Variants in ZNF85 observed in about 807,000 individuals in gnomAD.
ZNF85 encodes zinc finger protein 85 (HPF4, HTF1).
A neutral mutation model predicts 53.9 loss-of-function variants in ZNF85; 50 were observed. That is an observed-to-expected ratio of 0.93 (90% CI 0.74 to 1.17). The LOEUF (loss-of-function observed/expected upper bound fraction) is 1.17. Among genes scored for constraint, ZNF85 ranks in the 50% most tolerant of loss-of-function variants. The probability of loss-of-function intolerance (pLI) is 0.00; values close to 1 mark genes in which losing one functional copy is unlikely to be tolerated. For synonymous variants in ZNF85, 225 were observed against 226.1 expected (o/e 1.00, Z 0.04); for missense variants, 747 against 688.5 (o/e 1.08, Z -0.95).
chr19:20,931,211 T>C (rs1046181380), intron 1 of ZNF85, among the ~76,000 whole-genome samples: 2 of 152,170 alleles, frequency 1.3e-5, no homozygotes, highest in African/African-American at 4.8e-5. Flanking sequence ...CTGACAGGGT[T>C]GTTACCTATT....
In ZNF85 at chr19:20,933,957, ATGTGTGTGTGTGTG is replaced by A. The variant is rs56195718; in HGVS notation, c.4-39_4-26del. On this transcript the variant is annotated intron_variant, in intron 1 of 3. Coordinates refer to ENST00000328178, the MANE Select transcript of ZNF85 (RefSeq NM_003429.5). ...TGCTTTTCATAACCAGTTGGTAATT[ATGTGTGTGTGTGTG>A]TGTGTGTGTGTGTGTGTGTGTGTGT... 6.4e-3 allele frequency: 7,373 copies of A among 1,155,546 alleles called. 3 individuals carry two copies. Among genetic ancestry groups the A allele is most frequent in the African/African-American group, 0.011 (652 of 60,458 alleles). 71.6% of individuals were successfully genotyped at this position (1,155,546 alleles called of 1,614,324 possible).
At chr19:20,933,228 T>C (rs1030617028) in intron 1 of ZNF85, among the ~76,000 whole-genome samples, 4 of 151,958 alleles carry the variant, frequency 2.6e-5, no homozygotes, top group Admixed American at 2.0e-4. Context: ...CCTAGTGCAG[T>C]TCATGTTAAT....
At chr19:20,948,476 T>TAAC (rs1363497209) in intron 3 of ZNF85, among the ~76,000 whole-genome samples, 1 of 145,926 alleles carries the variant, frequency 6.9e-6, no homozygotes, top group Middle Eastern at 3.2e-3. Context: ...GTTGTAAATG[T>TAAC]AACAAACTTT....
At chr19:20,944,094 AAG>A (rs1158459024) in intron 3 of ZNF85, 7 of 239,772 alleles carry the variant, frequency 2.9e-5, no homozygotes, top group African/African-American at 7.0e-5. Flanking sequence ...GAGGAAATTT[AAG>A]AGTTTTATGC....
At chr19:20,948,666 A>C in intron 3 of ZNF85, 78 bp from the exon 4 acceptor site, 2 of 1,141,482 alleles carry the variant, frequency 1.8e-6, no homozygotes, top group Non-Finnish European at 2.5e-6. Context: ...AGTTTGTTTA[A>C]TTTTATATAT....
At chr19:20,932,500 T>G (rs948331889) in intron 1 of ZNF85, among the ~76,000 whole-genome samples, 38 of 152,218 alleles carry the variant, frequency 2.5e-4, no homozygotes, top group Non-Finnish European at 8.8e-5. Context: ...ATGTTCCCTT[T>G]GTGGCTCTTG....
chr19:20,943,176 TG>T (rs1396329151), intron 3 of ZNF85: 2 of 269,270 alleles, frequency 7.4e-6, no homozygotes, highest in African/African-American at 4.4e-5. Flanking sequence ...TGAAAAGTTT[TG>T]TACATGTCTG....
rs56393308 is a variant in ZNF85 at position 20,949,044 on chromosome 19, C to G, written c.530C>G (p.Thr177Arg). ...ACTAAAAAGAAACCTTTCAAATGTA[C>G]AAAATGTGGCAAATCATTTGGCATG... is the stretch of plus-strand genomic sequence containing the variant. ...RHTKKKPFKC[T>R]KCGKSFGMIS... The change falls in exon 4 of 4, where the codon ACA (threonine) becomes AGA (arginine). Residue 177 changes from threonine (T) to arginine (R), a missense_variant. By Grantham distance (71) the Thr-to-Arg change is moderately conservative (BLOSUM62 -1). Coordinates refer to ENST00000328178, the MANE Select transcript of ZNF85 (RefSeq NM_003429.5). 0.12 allele frequency: 193,420 copies of G among 1,611,414 alleles called. 12,108 individuals are homozygous for G. The highest frequency in any genetic ancestry group is 0.13 in the Non-Finnish European group (150,857 of 1,178,196).
chr19:20,931,925 A>G (rs1012206788), intron 1 of ZNF85, among the ~76,000 whole-genome samples: 1 of 152,088 alleles, frequency 6.6e-6, no homozygotes, highest in Non-Finnish European at 1.5e-5. Flanking sequence ...TATTTTCATT[A>G]TTGTAGCAGA....
intron 3 of ZNF85, among the ~76,000 whole-genome samples, chr19:20,947,695 A>G (rs1973456651): frequency 6.6e-6 from 1 of 151,388 alleles, no homozygotes; most frequent in Admixed American, 6.6e-5. Context: ...TGTGTTTGTT[A>G]TAAATATCTT....
intron 1 of ZNF85, 127 bp downstream of exon 1, chr19:20,923,530 C>T: frequency 6.7e-7 from 1 of 1,498,384 alleles, no homozygotes; most frequent in South Asian, 1.2e-5. Flanking sequence ...TCTTTTTGCC[C>T]AGCTCGGCCC....
At chr19:20,937,141 C>T (rs1237796702) in intron 3 of ZNF85, 7 of 299,006 alleles carry the variant, frequency 2.3e-5, no homozygotes, top group Non-Finnish European at 4.7e-5. Context: ...CAAGTATTCC[C>T]CTGCCTCAGC....
intron 1 of ZNF85, among the ~76,000 whole-genome samples, chr19:20,924,202 A>G (rs1400329558): frequency 1.3e-5 from 2 of 152,098 alleles, no homozygotes; most frequent in Non-Finnish European, 2.9e-5. Flanking sequence ...CCATGGGAGG[A>G]GCTTGAATAA....
intron 1 of ZNF85, among the ~76,000 whole-genome samples, chr19:20,925,653 G>A (rs1972863687): frequency 2.0e-5 from 3 of 152,138 alleles, no homozygotes; most frequent in South Asian, 4.1e-4. Flanking sequence ...TGCACTTGGG[G>A]CAGTCACTGG....
chr19:20,948,762 C>G lies in ZNF85; in HGVS notation c.248C>G (p.Ala83Gly), dbSNP rs775872545. 5.1e-6 allele frequency: 8 copies of G among 1,568,154 alleles called. No homozygotes were observed. The African/African-American group carries it at 8.2e-5, about 16-fold the overall frequency. Residue 83 changes from alanine to glycine, a missense_variant, in exon 4 of 4, where the codon GCC becomes GGC. Ala to Gly is a moderately conservative substitution (Grantham distance 60, BLOSUM62 0). Transcript: ENST00000328178. Reference sequence around the variant, plus strand: ...CTTTCAGTTATGTGTTCTCATTTTGCCCAAGACCTTTGGCCGGAGCAGAAT... The same window carrying G: ...CTTTCAGTTATGTGTTCTCATTTTGGCCAAGACCTTTGGCCGGAGCAGAAT... ...AKPTVMCSHF[A>G]QDLWPEQNIK...
chr19:20,936,180 T>G (rs1973154139), intron 3 of ZNF85, among the ~76,000 whole-genome samples: 1 of 152,248 alleles, frequency 6.6e-6, no homozygotes. Context: ...GTGTATTTAT[T>G]AGTTTAGACA....
intron 1 of ZNF85, chr19:20,928,009 T>C (rs1972920757): frequency 6.6e-6 from 1 of 152,250 alleles, no homozygotes; most frequent in African/African-American, 2.4e-5. Context: ...TTTTGTCCTA[T>C]ACATTTCTTT....
At position 20,950,533 on chromosome 19, in the gene ZNF85, C is replaced by T; in HGVS notation, c.*231C>T. 1 of 386,150 alleles carries T rather than the reference C, an allele frequency of 2.6e-6. No homozygotes were observed. Among genetic ancestry groups the T allele is most frequent in the Non-Finnish European group, 4.6e-6 (1 of 219,224 alleles). The allele number at this position is 386,150 out of a possible 1,614,324, so 23.9% of individuals were successfully genotyped here. A position where few individuals can be genotyped will look rare whatever the true frequency, so the allele number is the denominator to read the frequency against. The stretch of plus-strand genomic sequence containing the variant: ...TTCATATTGGAACAAACTACAAGTG[C>T]AAACAATGTGGCAAAACTTAATTTA... On this transcript the variant is annotated 3_prime_UTR_variant, in exon 4 of 4. Transcript: ENST00000328178.
At chr19:20,937,673 CTG>C (rs1323706356) in intron 3 of ZNF85, among the ~76,000 whole-genome samples, 39 of 152,116 alleles carry the variant, frequency 2.6e-4, no homozygotes, top group Non-Finnish European at 7.3e-5. Flanking sequence ...CTCTGGGACA[CTG>C]TGTGGGTTTC....
Sources: allele counts gnomAD v4.1 joint callset (sites outside exome capture counted in the v4.1 genomes callset), GRCh38; gene constraint gnomAD v4.1.1; transcripts MANE v1.5; gene names NCBI Gene and HGNC (gene_info 2026-07-23, HGNC 2026-07-21).